The following ULK4 variants were observed in gnomAD, a reference collection of about 807,000 sequenced individuals.
ULK4 encodes unc-51 like kinase 4, also known as inactive serine/threonine-protein kinase ULK4.
ULK4 carries 133 observed loss-of-function variants against 160.6 expected under a neutral mutation model. The observed-to-expected ratio is 0.83, with a 90% CI of 0.72 to 0.96. The LOEUF (loss-of-function observed/expected upper bound fraction) is 0.96, where lower values mean the gene tolerates loss of function less well. Among genes scored for constraint, ULK4 ranks in the 40% least tolerant of loss-of-function variants. The pLI is 0.00. For synonymous variants in ULK4, 534 were observed against 539.8 expected, an observed-to-expected ratio of 0.99 and a Z score of 0.15; for missense variants, 1,580 against 1,499.5, an observed-to-expected ratio of 1.05 and a Z score of -0.89.
chr3:41,687,926 G>A (rs2036152417), intron 27 of ULK4: 1 of 152,198 alleles, frequency 6.6e-6, no homozygotes, highest in East Asian at 1.9e-4. Context: ...CTCCCACAAG[G>A]GCTGGGGGAA....
At chr3:41,678,720 A>G (rs556747163) in intron 29 of ULK4, among the ~76,000 whole-genome samples, 38 of 152,370 alleles carry the variant, frequency 2.5e-4, no homozygotes, top group Non-Finnish European at 4.9e-4. Flanking sequence ...GGAGCCTACC[A>G]TACCTGTGCA....
chr3:41,569,617 G>A (rs1314038313), intron 31 of ULK4, among the ~76,000 whole-genome samples: 1 of 151,990 alleles, frequency 6.6e-6, no homozygotes, highest in Non-Finnish European at 1.5e-5. Flanking sequence ...CACACATATT[G>A]TAATAAAATC....
intron 30 of ULK4, among the ~76,000 whole-genome samples, chr3:41,650,547 A>G (rs1423457461): frequency 6.6e-6 from 1 of 152,152 alleles, no homozygotes; most frequent in Non-Finnish European, 1.5e-5. Context: ...GGAGCTGCCC[A>G]CCCTGCCGCA....
At chr3:41,378,647 G>T (rs1304015993) in intron 35 of ULK4, among the ~76,000 whole-genome samples, 1 of 150,878 alleles carries the variant, frequency 6.6e-6, no homozygotes, top group African/African-American at 2.5e-5. Context: ...TAGGGGAGCG[G>T]GGAGGGATAG....
chr3:41,696,528 G>A (rs183590605), intron 27 of ULK4, among the ~76,000 whole-genome samples: 3 of 151,970 alleles, frequency 2.0e-5, no homozygotes, highest in Non-Finnish European at 1.5e-5. Context: ...CCAGACATTC[G>A]GGGCCATTAC....
intron 32 of ULK4, among the ~76,000 whole-genome samples, chr3:41,552,598 CA>C: frequency 6.6e-6 from 1 of 151,440 alleles, no homozygotes. Flanking sequence ...CTGAAGAGGA[CA>C]AAAATAAATA....
intron 35 of ULK4, among the ~76,000 whole-genome samples, chr3:41,382,559 C>G (rs935201929): frequency 6.6e-6 from 1 of 152,062 alleles, no homozygotes; most frequent in Non-Finnish European, 1.5e-5. Context: ...TCTAATATCA[C>G]TTATTCTAGA....
intron 34 of ULK4, among the ~76,000 whole-genome samples, chr3:41,431,859 G>C (rs2082919968): frequency 6.8e-6 from 1 of 146,082 alleles, no homozygotes; most frequent in Admixed American, 6.9e-5. Context: ...GCGCGATCTC[G>C]GTTCACCGCA....
intron 32 of ULK4, among the ~76,000 whole-genome samples, chr3:41,522,762 A>G (rs1017684344): frequency 6.6e-6 from 1 of 152,234 alleles, no homozygotes; most frequent in Non-Finnish European, 1.5e-5. Flanking sequence ...TTATGGTCTC[A>G]GTCTCTGCCA....
intron 35 of ULK4, among the ~76,000 whole-genome samples, chr3:41,363,877 T>C (rs1326446030): frequency 1.3e-5 from 2 of 152,044 alleles, no homozygotes; most frequent in Non-Finnish European, 2.9e-5. Flanking sequence ...TGTTAAGGGA[T>C]GTGTCCAAGG....
chr3:41,463,997 C>A, intron 32 of ULK4, among the ~76,000 whole-genome samples: 1 of 125,534 alleles, frequency 8.0e-6, no homozygotes, highest in African/African-American at 3.3e-5. Flanking sequence ...AGCATAAATT[C>A]AGATGTTCTA....
intron 34 of ULK4, among the ~76,000 whole-genome samples, chr3:41,428,758 A>G (rs989286618): frequency 3.9e-5 from 6 of 152,212 alleles, no homozygotes; most frequent in African/African-American, 1.4e-4. Flanking sequence ...TACAATATAT[A>G]CAAAAATTAA....
chr3:41,698,016 A>G (rs2036557209), intron 27 of ULK4, among the ~76,000 whole-genome samples: 1 of 152,172 alleles, frequency 6.6e-6, no homozygotes, highest in East Asian at 1.9e-4. Context: ...TATACTCACC[A>G]TTTGTTACAA....
chr3:41,641,929 G>A (rs1006475040), intron 30 of ULK4, among the ~76,000 whole-genome samples: 4 of 148,670 alleles, frequency 2.7e-5, no homozygotes, highest in African/African-American at 1.0e-4. Context: ...AGGCTGGAGT[G>A]CAATGGCGTG....
Position 41,615,716 on chromosome 3 carries a change from G to A in ULK4, c.3073C>T (p.Leu1025Phe). ...GGGATCAGTTTGCTTTCTTCCACAA[G>A]TCTGTTAAAAACAAGAAAAAAAGAT... Reference protein sequence around the residue: ...MTEHNPTFTRLVEESKLIPLI... With the variant: ...MTEHNPTFTRFVEESKLIPLI... The change falls in exon 31 of 37, where the codon CTT becomes TTT. Residue 1025 changes from leucine (L) to phenylalanine (F), a missense_variant and splice_region_variant. Physicochemically the swap from Leu to Phe is conservative, Grantham distance 22 (BLOSUM62 0). Coordinates refer to ENST00000301831, the MANE Select transcript of ULK4 (RefSeq NM_017886.4). The A allele has an allele frequency of 6.2e-7, 1 of 1,612,366 alleles. No homozygotes were observed. Among genetic ancestry groups the A allele is most frequent in the Non-Finnish European group, 8.5e-7 (1 of 1,179,112 alleles).
intron 13 of ULK4, among the ~76,000 whole-genome samples, chr3:41,900,003 A>C (rs1427511132): frequency 1.3e-5 from 2 of 152,206 alleles, no homozygotes; most frequent in Admixed American, 6.5e-5. Context: ...TAAGAAAAAG[A>C]AGCAGGAAAA....
chr3:41,856,527 ATATATGTATG>A lies in ULK4; in HGVS notation c.1657-20566_1657-20557del, dbSNP rs1167263915. ...TAAATAAATAAATATATATATATAT[ATATATGTATG>A]TATATATATATGTGTATATATATAC... is the stretch of plus-strand genomic sequence containing the variant. On this transcript the variant is annotated intron_variant, in intron 17 of 36. Coordinates refer to ENST00000301831, the MANE Select transcript of ULK4 (RefSeq NM_017886.4). 3.8e-3 allele frequency among the ~76,000 whole-genome samples: 479 copies of A among 125,118 alleles called. 4 individuals carry two copies. The highest frequency in any genetic ancestry group is 0.015 in the African/African-American group (440 of 28,932). 82.1% of individuals were successfully genotyped at this position (125,118 alleles called of 152,430 possible).
At chr3:41,553,811 T>C (rs2087177405) in intron 32 of ULK4, among the ~76,000 whole-genome samples, 1 of 152,162 alleles carries the variant, frequency 6.6e-6, no homozygotes, top group Non-Finnish European at 1.5e-5. Flanking sequence ...CAAGCATTTA[T>C]CCTTTGTGTT....
At chr3:41,461,129 C>T (rs1011090412) in intron 33 of ULK4, among the ~76,000 whole-genome samples, 2 of 152,138 alleles carry the variant, frequency 1.3e-5, no homozygotes, top group Non-Finnish European at 2.9e-5. Flanking sequence ...GAGATTCTGA[C>T]ACGTGCCTGC....
Sources: gnomAD v4.1 joint callset for allele counts (sites outside exome capture counted in the v4.1 genomes callset) on GRCh38, gnomAD v4.1.1 for gene constraint, MANE v1.5 for transcripts, NCBI Gene and HGNC (gene_info 2026-07-23, HGNC 2026-07-21) for gene names.